Variants in APBA1 observed in about 807,000 individuals in gnomAD.
APBA1 encodes the protein amyloid-beta A4 precursor protein-binding family A member 1.
Under a neutral mutation model 86.6 loss-of-function variants are expected in APBA1, and 55 were observed. The ratio of observed to expected loss-of-function variants is 0.64; its 90% CI spans 0.51 to 0.80. The LOEUF (loss-of-function observed/expected upper bound fraction) is 0.80, where lower values mean the gene tolerates loss of function less well. Ranked by LOEUF, APBA1 falls within the 30% of genes least tolerant of loss-of-function variation. The pLI is 0.00. For synonymous variants in APBA1, 511 were observed against 493.9 expected, an observed-to-expected ratio of 1.03 and a Z score of -0.46; for missense variants, 1,090 against 1,183.0, an observed-to-expected ratio of 0.92 and a Z score of 1.15.
chr9:69,457,179 C>G, intron 6 of APBA1, 40 bp from the exon 7 acceptor site: 3 of 1,499,960 alleles, frequency 2.0e-6, no homozygotes, highest in South Asian at 2.3e-5. Flanking sequence ...TTTGACCACA[C>G]TACCCTGACC....
At chr9:69,448,204 T>C (rs958149071) in intron 10 of APBA1, among the ~76,000 whole-genome samples, 1 of 152,220 alleles carries the variant, frequency 6.6e-6, no homozygotes, top group Non-Finnish European at 1.5e-5. Flanking sequence ...TAAAATCACA[T>C]AAAATTGTCC....
chr9:69,432,423 T>A, intron 12 of APBA1, 113 bp downstream of exon 12: 1 of 1,123,940 alleles, frequency 8.9e-7, no homozygotes, highest in South Asian at 2.6e-5. Flanking sequence ...GTGTTCAGGA[T>A]TGGAAACTCA....
chr9:69,595,434 T>C (rs1037213490), intron 1 of APBA1, among the ~76,000 whole-genome samples: 5 of 152,180 alleles, frequency 3.3e-5, no homozygotes, highest in South Asian at 2.1e-4. Flanking sequence ...TCTGAGATTG[T>C]CTGGTGCCCC....
rs150914466 is a variant in APBA1, at chr9:69,447,862, AACCG to A, written c.2181+1718_2181+1721del. On this transcript the variant is annotated intron_variant, in intron 10 of 12. Coordinates refer to ENST00000265381, the MANE Select transcript of APBA1 (RefSeq NM_001163.4). Reference sequence around the variant, plus strand: ...CCATAAGTCCTTTCACTTCTCCTCAAACCGACCAAGCTCCCTGGGGGGCAGGGAC... The same window carrying A: ...CCATAAGTCCTTTCACTTCTCCTCAAACCAAGCTCCCTGGGGGGCAGGGAC... 8.0e-3 allele frequency among the ~76,000 whole-genome samples: 1,221 copies of A among 152,132 alleles called. 17 individuals carry two copies. Among genetic ancestry groups the A allele is most frequent in the African/African-American group, 0.028 (1,167 of 41,502 alleles).
intron 1 of APBA1, among the ~76,000 whole-genome samples, chr9:69,670,866 C>T (rs769453353): frequency 1.1e-4 from 17 of 152,158 alleles, no homozygotes; most frequent in Non-Finnish European, 1.9e-4. Flanking sequence ...AAATGATACA[C>T]GGCACCACCT....
chr9:69,527,042 A>T (rs960879520), intron 1 of APBA1, among the ~76,000 whole-genome samples: 2 of 152,128 alleles, frequency 1.3e-5, no homozygotes, highest in Non-Finnish European at 2.9e-5. Flanking sequence ...ACTCACGGAC[A>T]TAAAGATGGT....
At position 69,516,702 on chromosome 9, in the gene APBA1, T is replaced by C. The variant is rs766927822; in HGVS notation, c.509A>G (p.Tyr170Cys). 1.4e-5 allele frequency: 22 copies of C among 1,611,188 alleles called. No individual in the cohort carries two copies. Among genetic ancestry groups the C allele is most frequent in the Non-Finnish European group, 1.9e-5 (22 of 1,179,190 alleles). Residue 170 changes from tyrosine to cysteine, a missense_variant, in exon 2 of 13, where the codon TAC (tyrosine) becomes TGC (cysteine). This residue lies in a region of APBA1 where 678 missense variants were observed against 647.1 expected (regional missense o/e 1.05). Transcript: ENST00000265381. The surrounding 1 kb of genome is among the most constrained non-coding windows in gnomAD (Gnocchi z 7.3). The stretch of plus-strand genomic sequence containing the variant: ...ACCGCGGTGGAAGAGCCGGTGCGTG[T>C]AGACGTAGCCTGAGTAGGCCGCATT... ...AMNAAYSGYV[Y>C]THRLFHRGED...
At chr9:69,663,677 T>A (rs1823793364) in intron 1 of APBA1, among the ~76,000 whole-genome samples, 1 of 152,210 alleles carries the variant, frequency 6.6e-6, no homozygotes, top group Admixed American at 6.5e-5. Context: ...AAATAAATCA[T>A]TGCTGTATTT....
At chr9:69,451,282 C>T (rs1835004430) in intron 9 of APBA1, among the ~76,000 whole-genome samples, 1 of 152,246 alleles carries the variant, frequency 6.6e-6, no homozygotes, top group Non-Finnish European at 1.5e-5. Context: ...TTCTGAGGCA[C>T]TCTCCCAACA....
At chr9:69,662,270 T>C (rs1018692057) in intron 1 of APBA1, among the ~76,000 whole-genome samples, 1 of 152,174 alleles carries the variant, frequency 6.6e-6, no homozygotes, top group African/African-American at 2.4e-5. Flanking sequence ...ATCTGCAATA[T>C]AAGTTCTCTC....
rs545288569 is a variant in APBA1 at position 69,491,311 on chromosome 9, C to T, written c.1201-15168G>A. On this transcript the variant is annotated intron_variant, in intron 2 of 12. Transcript: ENST00000265381. ...TGAGTTCATGTCCTTTGTAGGGACA[C>T]GAGTGAAGCTGGAAACCATCATTCT... Among the ~76,000 whole-genome samples the T allele has an allele frequency of 1.1e-4, 16 of 152,066 alleles. No individual in the cohort carries two copies. In the South Asian group the frequency reaches 2.5e-3, roughly 24 times the overall value.
intron 2 of APBA1, among the ~76,000 whole-genome samples, chr9:69,495,437 C>G (rs767655407): frequency 1.4e-4 from 22 of 152,060 alleles, no homozygotes; most frequent in Non-Finnish European, 2.9e-4. Flanking sequence ...CACTTGAGAG[C>G]CGAGGCTAAG....
At chr9:69,570,735 C>T (rs892035126) in intron 1 of APBA1, among the ~76,000 whole-genome samples, 1 of 152,074 alleles carries the variant, frequency 6.6e-6, no homozygotes, top group Non-Finnish European at 1.5e-5. Context: ...CTGTTATGGG[C>T]TAGATTGTGT....
chr9:69,437,257 G>T (rs1834744266), intron 11 of APBA1, among the ~76,000 whole-genome samples: 1 of 151,518 alleles, frequency 6.6e-6, no homozygotes, highest in Admixed American at 6.6e-5. Flanking sequence ...TTGTGTCTCT[G>T]CCCGGCTTTG....
In APBA1 at chr9:69,458,023, C is replaced by T. The variant is rs781240686; in HGVS notation, c.1515+133G>A. ...TTTTGAGAAACGCTGGCTTATGGGG[C>T]GGTTCAAAAAGAAATCTGAACAAAA... On this transcript the variant is annotated intron_variant, in intron 6 of 12. Coordinates refer to ENST00000265381, the MANE Select transcript of APBA1 (RefSeq NM_001163.4). The T allele has an allele frequency of 1.8e-5, 16 of 875,216 alleles. No individual in the cohort carries two copies. The East Asian group carries it at 2.4e-4, about 13-fold the overall frequency. The allele number at this position is 875,216 out of a possible 1,614,324, so 54.2% of individuals were successfully genotyped here. A position where few individuals can be genotyped will look rare whatever the true frequency, so the allele number is the denominator to read the frequency against.
At chr9:69,473,545 T>C (rs1396605293) in intron 3 of APBA1, among the ~76,000 whole-genome samples, 3 of 152,208 alleles carry the variant, frequency 2.0e-5, no homozygotes, top group Admixed American at 6.5e-5. Flanking sequence ...GTCCAGATTT[T>C]AGCAGAAGCT....
intron 2 of APBA1, among the ~76,000 whole-genome samples, chr9:69,487,467 T>A (rs1329349030): frequency 6.6e-6 from 1 of 152,058 alleles, no homozygotes; most frequent in Non-Finnish European, 1.5e-5. Flanking sequence ...TGACTACTTG[T>A]AATGTGCTAA....
intron 12 of APBA1, 51 bp downstream of exon 12, chr9:69,432,485 G>A (rs780429881): frequency 7.0e-7 from 1 of 1,435,950 alleles, no homozygotes; most frequent in South Asian, 1.6e-5. Context: ...TACGAGGCAG[G>A]GGCACCAGAC....
intron 1 of APBA1, among the ~76,000 whole-genome samples, chr9:69,569,285 G>A (rs148582895): frequency 7.2e-5 from 11 of 152,310 alleles, no homozygotes; most frequent in East Asian, 1.9e-4. Flanking sequence ...TGATTTTCAC[G>A]TAAGTGAAAG....
Sources: gnomAD v4.1 joint callset for allele counts (sites outside exome capture counted in the v4.1 genomes callset) on GRCh38, gnomAD v4.1.1 for gene constraint, gnomAD v4.1.1 regional missense constraint, Gnocchi (gnomAD v3.1) non-coding constraint, MANE v1.5 for transcripts, NCBI Gene and HGNC (gene_info 2026-07-23, HGNC 2026-07-21) for gene names.